AVEN: variants seen among roughly 807,000 people sequenced by gnomAD.
The protein encoded by AVEN is apoptosis and caspase activation inhibitor.
Under a neutral mutation model 38.1 loss-of-function variants are expected in AVEN, and 41 were observed. The ratio of observed to expected loss-of-function variants is 1.08; its 90% CI spans 0.84 to 1.40. The LOEUF is 1.40. Ranked by LOEUF, AVEN falls within the 40% of genes most tolerant of loss-of-function variation. The pLI is 0.00. For missense variants in AVEN, 605 were observed against 438.8 expected, an observed-to-expected ratio of 1.38 and a Z score of -3.38; for synonymous variants, 206 against 171.8, an observed-to-expected ratio of 1.20 and a Z score of -1.56.
At chr15:34,038,727 C>T in intron 1 of AVEN, 53 bp downstream of exon 1, 1 of 1,131,598 alleles carries the variant, frequency 8.8e-7, no homozygotes, top group Non-Finnish European at 1.1e-6. Flanking sequence ...CGGCCTCGGC[C>T]CCACTTGCCC....
intron 4 of AVEN, among the ~76,000 whole-genome samples, chr15:33,870,177 C>T (rs9302281): frequency 0.035 from 5,253 of 152,184 alleles, 287 homozygotes; most frequent in African/African-American, 0.11. Flanking sequence ...ACAGCCCTCT[C>T]CTCTGCCATC....
rs117569099 is a variant in AVEN, at chr15:33,934,084, G to C, written c.446-58089C>G. Reference sequence around the variant, plus strand: ...CAAATTAAGATATTATGATTAAAAAGATCTTCAGGACCAGGTGTGGTGGCT... The same window carrying C: ...CAAATTAAGATATTATGATTAAAAACATCTTCAGGACCAGGTGTGGTGGCT... On this transcript the variant is annotated intron_variant, in intron 2 of 5. Coordinates refer to ENST00000306730, the MANE Select transcript of AVEN (RefSeq NM_020371.3). Among the ~76,000 whole-genome samples the C allele has an allele frequency of 8.2e-3, 1,244 of 152,136 alleles. 10 individuals carry two copies. The highest frequency in any genetic ancestry group is 0.014 in the Non-Finnish European group (956 of 68,004).
downstream of AVEN, chr15:33,854,583 G>GA (rs2079447489): frequency 9.8e-7 from 1 of 1,023,200 alleles, no homozygotes; most frequent in East Asian, 2.5e-5. Context: ...CGTGCTGGGG[G>GA]AACACTTATA....
At chr15:33,917,527 A>G (rs1195220373) in intron 2 of AVEN, among the ~76,000 whole-genome samples, 19 of 70,906 alleles carry the variant, frequency 2.7e-4, no homozygotes, top group East Asian at 1.0e-3. Context: ...ACATACGTGT[A>G]TATATATATA....
downstream of AVEN, chr15:33,864,000 C>CCA (rs1889491496): frequency 1.7e-6 from 1 of 597,564 alleles, no homozygotes; most frequent in South Asian, 2.3e-5. Flanking sequence ...TGTCCTTATG[C>CCA]CACACTTCCC....
At chr15:33,956,231 C>T (rs1161953128) in intron 2 of AVEN, among the ~76,000 whole-genome samples, 1 of 152,166 alleles carries the variant, frequency 6.6e-6, no homozygotes, top group Non-Finnish European at 1.5e-5. Context: ...ATTAGCTCAC[C>T]TGTCCTGCTC....
At chr15:33,892,360 G>A (rs1892019174) in intron 2 of AVEN, among the ~76,000 whole-genome samples, 2 of 152,286 alleles carry the variant, frequency 1.3e-5, no homozygotes, top group East Asian at 3.9e-4. Context: ...ATGGTTTTAG[G>A]TCTAACAGTT....
intron 2 of AVEN, among the ~76,000 whole-genome samples, chr15:33,904,579 T>G (rs980969319): frequency 4.0e-5 from 6 of 151,500 alleles, no homozygotes; most frequent in Non-Finnish European, 7.4e-5. Context: ...GCCTGGCTAA[T>G]TTTTTGTATT....
intron 1 of AVEN, among the ~76,000 whole-genome samples, chr15:34,015,037 C>A (rs980446231): frequency 1.3e-5 from 2 of 152,064 alleles, no homozygotes; most frequent in African/African-American, 2.4e-5. Context: ...AGTCCTGAAG[C>A]CTGAAAAGCT....
At chr15:34,009,215 G>A (rs1027238867) in intron 1 of AVEN, among the ~76,000 whole-genome samples, 4 of 151,830 alleles carry the variant, frequency 2.6e-5, no homozygotes, top group Admixed American at 6.6e-5. Context: ...TAAACAAAAC[G>A]TAAGAAAATT....
intron 2 of AVEN, among the ~76,000 whole-genome samples, chr15:33,892,077 G>GT (rs1203940200): frequency 6.6e-6 from 1 of 152,104 alleles, no homozygotes. Flanking sequence ...TGATGGGGTT[G>GT]TTTTTTTCTT....
chr15:33,960,606 T>A (rs1895125320), intron 2 of AVEN, among the ~76,000 whole-genome samples: 1 of 152,194 alleles, frequency 6.6e-6, no homozygotes, highest in Non-Finnish European at 1.5e-5. Context: ...TAAAATGAAC[T>A]CTTTTGAAGG....
At chr15:33,904,440 T>C (rs1310470341) in intron 2 of AVEN, among the ~76,000 whole-genome samples, 2 of 152,204 alleles carry the variant, frequency 1.3e-5, no homozygotes, top group Non-Finnish European at 1.5e-5. Flanking sequence ...AGACAGAGTT[T>C]TGCTCTTGTC....
chr15:33,925,789 T>C (rs993297426), intron 2 of AVEN, among the ~76,000 whole-genome samples: 3 of 152,192 alleles, frequency 2.0e-5, no homozygotes, highest in African/African-American at 4.8e-5. Flanking sequence ...CTGAACCTAC[T>C]TGAGATGGAA....
chr15:34,026,946 G>C (rs926722891), intron 1 of AVEN, among the ~76,000 whole-genome samples: 3 of 152,124 alleles, frequency 2.0e-5, no homozygotes, highest in Non-Finnish European at 2.9e-5. Flanking sequence ...TTGTCCCAAA[G>C]GAAGAAGTTT....
chr15:33,873,670 A>T (rs1476446355), intron 3 of AVEN, among the ~76,000 whole-genome samples: 3 of 151,588 alleles, frequency 2.0e-5, no homozygotes, highest in Admixed American at 6.6e-5. Context: ...GTTAAGTCAG[A>T]CAGGAAATCG....
At chr15:33,876,737 T>G (rs1320168161) in intron 2 of AVEN, among the ~76,000 whole-genome samples, 2 of 152,202 alleles carry the variant, frequency 1.3e-5, no homozygotes, top group Admixed American at 1.3e-4. Context: ...GGTCAGAATG[T>G]CAAACATATT....
rs1049364066 is a variant in AVEN at position 33,953,931 on chromosome 15, A to G, written c.445+49101T>C. ...TATCCAGAATCTACAAAGAACTTAA[A>G]CTTTCGAGAACTTAAATTTTCAAGA... is the stretch of plus-strand genomic sequence containing the variant. On this transcript the variant is annotated intron_variant, in intron 2 of 5. Coordinates refer to ENST00000306730, the MANE Select transcript of AVEN (RefSeq NM_020371.3). Among the ~76,000 whole-genome samples, 9 of 152,314 alleles carry G rather than the reference A, an allele frequency of 5.9e-5. No homozygotes were observed. In the South Asian group the frequency reaches 1.9e-3, roughly 32 times the overall value.
At chr15:33,857,337 G>A (rs975247296), downstream of AVEN, among the ~76,000 whole-genome samples, 2 of 152,034 alleles carry the variant, frequency 1.3e-5, no homozygotes, top group African/African-American at 4.8e-5. Flanking sequence ...CCCTTCACGT[G>A]TGCCTGTGTC....
Sources: gnomAD v4.1 joint callset for allele counts (sites outside exome capture counted in the v4.1 genomes callset) on GRCh38, gnomAD v4.1.1 for gene constraint, MANE v1.5 for transcripts, NCBI Gene and HGNC (gene_info 2026-07-23, HGNC 2026-07-21) for gene names.